Variants in ATRNL1 observed in about 807,000 individuals in gnomAD.
The protein encoded by ATRNL1 is attractin like 1.
ATRNL1 carries 95 observed loss-of-function variants against 182.7 expected under a neutral mutation model. That is an observed-to-expected ratio of 0.52 (90% CI 0.44 to 0.62). The LOEUF (loss-of-function observed/expected upper bound fraction) is 0.62. ATRNL1 is among the 20% of genes least tolerant of loss of function. The probability of loss-of-function intolerance (pLI) is 0.00; values close to 1 mark genes in which losing one functional copy is unlikely to be tolerated. For synonymous variants in ATRNL1, 576 were observed against 568.3 expected (o/e 1.01, Z -0.19); for missense variants, 1,471 against 1,679.5 (o/e 0.88, Z 2.17).
At chr10:115,880,087 T>A (rs1555108195) in intron 28 of ATRNL1, among the ~76,000 whole-genome samples, 1 of 152,224 alleles carries the variant, frequency 6.6e-6, no homozygotes, top group Non-Finnish European at 1.5e-5. Context: ...GACTAGGAAC[T>A]GAAATTATTT....
intron 28 of ATRNL1, among the ~76,000 whole-genome samples, chr10:115,892,452 A>C (rs1181776183): frequency 1.3e-5 from 2 of 152,116 alleles, no homozygotes; most frequent in African/African-American, 2.4e-5. Context: ...ATATATAGTT[A>C]CTCTTAAAAA....
At chr10:115,109,288 G>T (rs1178379665) in intron 1 of ATRNL1, among the ~76,000 whole-genome samples, 3 of 152,018 alleles carry the variant, frequency 2.0e-5, no homozygotes, top group Non-Finnish European at 2.9e-5. Flanking sequence ...TCAGTTTTGT[G>T]CTGCTATAAC....
chr10:115,241,778 T>G, intron 10 of ATRNL1, 53 bp downstream of exon 10: 2 of 1,470,926 alleles, frequency 1.4e-6, no homozygotes, highest in South Asian at 2.5e-5. Context: ...ATTTTCCATA[T>G]AGATATTCTC....
intron 27 of ATRNL1, among the ~76,000 whole-genome samples, chr10:115,731,976 G>A (rs995171026): frequency 6.6e-6 from 1 of 152,116 alleles, no homozygotes; most frequent in Non-Finnish European, 1.5e-5. Context: ...GTTGATACGT[G>A]TTGTAGCGCC....
intron 28 of ATRNL1, among the ~76,000 whole-genome samples, chr10:115,863,934 C>A (rs1040785020): frequency 1.3e-5 from 2 of 152,126 alleles, no homozygotes; most frequent in East Asian, 3.8e-4. Flanking sequence ...GAAGGAGCAG[C>A]TAATGGCCAA....
At chr10:115,508,453 G>C (rs1554981847) in intron 24 of ATRNL1, among the ~76,000 whole-genome samples, 1 of 152,044 alleles carries the variant, frequency 6.6e-6, no homozygotes, top group Non-Finnish European at 1.5e-5. Flanking sequence ...AGGGCATGTT[G>C]AATGCCAATA....
chr10:115,818,428 T>C (rs531382725), intron 27 of ATRNL1, among the ~76,000 whole-genome samples: 67 of 152,274 alleles, frequency 4.4e-4, no homozygotes, highest in Non-Finnish European at 8.2e-4. Flanking sequence ...TGCCATTATA[T>C]TGATGGCTTA....
At chr10:115,699,513 A>G (rs1376357448) in intron 26 of ATRNL1, among the ~76,000 whole-genome samples, 8 of 152,266 alleles carry the variant, frequency 5.3e-5, no homozygotes, top group Admixed American at 2.6e-4. Context: ...TAAAAACTTG[A>G]TATGTGTCAC....
intron 16 of ATRNL1, among the ~76,000 whole-genome samples, chr10:115,301,242 T>C (rs79452428): frequency 0.014 from 2,117 of 152,280 alleles, 44 homozygotes; most frequent in African/African-American, 0.048. Flanking sequence ...CTTTCACTTC[T>C]TTGGGGTATA....
At chr10:115,403,604 G>A (rs143505641) in intron 20 of ATRNL1, among the ~76,000 whole-genome samples, 55 of 151,976 alleles carry the variant, frequency 3.6e-4, no homozygotes, top group African/African-American at 1.2e-3. Context: ...ACAGGCACTC[G>A]CCACCGCACC....
At chr10:115,226,410 T>C (rs1317540941) in intron 9 of ATRNL1, among the ~76,000 whole-genome samples, 6 of 152,002 alleles carry the variant, frequency 3.9e-5, no homozygotes, top group East Asian at 1.9e-4. Context: ...GACTGAACTA[T>C]ATTTATATGT....
intron 1 of ATRNL1, among the ~76,000 whole-genome samples, chr10:115,103,408 A>G (rs1319593471): frequency 6.6e-6 from 1 of 152,014 alleles, no homozygotes; most frequent in Admixed American, 6.6e-5. Context: ...TATTTCTTTT[A>G]ATTTCAATTT....
chr10:115,099,539 A>G (rs2085108036), intron 1 of ATRNL1, among the ~76,000 whole-genome samples: 1 of 152,210 alleles, frequency 6.6e-6, no homozygotes, highest in African/African-American at 2.4e-5. Context: ...TGTATCATTT[A>G]TGTTCCCACC....
intron 11 of ATRNL1, among the ~76,000 whole-genome samples, chr10:115,266,097 A>G (rs975425596): frequency 2.6e-5 from 4 of 151,862 alleles, no homozygotes; most frequent in African/African-American, 9.7e-5. Context: ...CTTTTTTAAA[A>G]TAATAAAAGA....
At chr10:115,296,455 C>T (rs1853197613) in intron 15 of ATRNL1, among the ~76,000 whole-genome samples, 1 of 152,214 alleles carries the variant, frequency 6.6e-6, no homozygotes, top group African/African-American at 2.4e-5. Flanking sequence ...ACTCAGTCCA[C>T]TGTTACTGCC....
intron 26 of ATRNL1, among the ~76,000 whole-genome samples, chr10:115,594,320 A>G (rs1856098331): frequency 6.6e-6 from 1 of 152,158 alleles, no homozygotes; most frequent in African/African-American, 2.4e-5. Flanking sequence ...TGTGTTTTTA[A>G]GCCAAAATTT....
intron 15 of ATRNL1, among the ~76,000 whole-genome samples, chr10:115,297,081 G>C (rs1388961951): frequency 2.0e-5 from 3 of 152,104 alleles, no homozygotes; most frequent in Admixed American, 1.3e-4. Flanking sequence ...TTTGGAGTTG[G>C]CCAGCACATG....
chr10:115,941,828 T>G (rs782631989), intron 28 of ATRNL1, among the ~76,000 whole-genome samples: 8 of 152,218 alleles, frequency 5.3e-5, no homozygotes, highest in Non-Finnish European at 1.2e-4. Context: ...CTCCATTAAT[T>G]AAACAAATAA....
At chr10:115,375,018 G>GC (rs1484746852) in intron 19 of ATRNL1, among the ~76,000 whole-genome samples, 1 of 145,318 alleles carries the variant, frequency 6.9e-6, no homozygotes, top group Non-Finnish European at 1.5e-5. Context: ...ATCCAATGTT[G>GC]TTTTTTTTTT....
Sources: allele counts gnomAD v4.1 joint callset (sites outside exome capture counted in the v4.1 genomes callset), GRCh38; gene constraint gnomAD v4.1.1; transcripts MANE v1.5; gene names NCBI Gene and HGNC (gene_info 2026-07-23, HGNC 2026-07-21).